Variants in CAMTA1 observed in about 807,000 individuals in gnomAD.
CAMTA1 encodes the protein calmodulin binding transcription activator 1.
CAMTA1 carries 27 observed loss-of-function variants against 170.9 expected under a neutral mutation model. The observed-to-expected ratio is 0.16, with a 90% confidence interval of 0.12 to 0.22. The LOEUF (loss-of-function observed/expected upper bound fraction) is 0.22. Ranked by LOEUF, CAMTA1 falls within the 10% of genes least tolerant of loss-of-function variation. CAMTA1 has a pLI of 1.00. For synonymous variants in CAMTA1, 833 were observed against 891.5 expected (o/e 0.93, Z 1.17); for missense variants, 1,619 against 2,217.2 (o/e 0.73, Z 5.42).
chr1:7,477,656 A>T lies in CAMTA1; in HGVS notation c.510+9755A>T, dbSNP rs1448983885. Among the ~76,000 whole-genome samples the T allele has an allele frequency of 2.0e-5, 3 of 152,330 alleles. No homozygotes were observed. The East Asian group carries it at 5.8e-4, about 29-fold the overall frequency. On this transcript the variant is annotated intron_variant, in intron 6 of 22. Transcript: ENST00000303635. Reference sequence around the variant, plus strand: ...AAAGTCACTGGGCATTTTCTAGAAGATTCCCTCTTCCCGATTCCTTCCTTC... The same window carrying T: ...AAAGTCACTGGGCATTTTCTAGAAGTTTCCCTCTTCCCGATTCCTTCCTTC...
chr1:6,848,606 G>A (rs1659210104), intron 3 of CAMTA1, among the ~76,000 whole-genome samples: 1 of 152,218 alleles, frequency 6.6e-6, no homozygotes, highest in Admixed American at 6.5e-5. Flanking sequence ...GACATTGGCA[G>A]TAGCGAAGGA....
At chr1:7,679,309 A>T (rs1485062781) in intron 11 of CAMTA1, among the ~76,000 whole-genome samples, 1 of 152,226 alleles carries the variant, frequency 6.6e-6, no homozygotes. Context: ...GGACCACTGT[A>T]GGACCCTGCC....
chr1:7,254,887 G>C (rs1263064865), intron 5 of CAMTA1, among the ~76,000 whole-genome samples: 1 of 152,214 alleles, frequency 6.6e-6, no homozygotes, highest in Admixed American at 6.5e-5. Context: ...TTGAAAAACA[G>C]CAATAAATAG....
chr1:7,222,402 C>T (rs1224897116), intron 4 of CAMTA1, among the ~76,000 whole-genome samples: 1 of 152,130 alleles, frequency 6.6e-6, no homozygotes, highest in Admixed American at 6.5e-5. Flanking sequence ...TTCTGCATCT[C>T]GCTGTCTTCC....
chr1:7,736,588 C>A lies in CAMTA1; in HGVS notation c.3263+48C>A. The A allele has an allele frequency of 6.4e-7, 1 of 1,567,060 alleles. No homozygotes were observed. Among genetic ancestry groups the A allele is most frequent in the Non-Finnish European group, 8.8e-7 (1 of 1,138,926 alleles). On this transcript the variant is annotated intron_variant, in intron 13 of 22. Transcript: ENST00000303635. The surrounding 1 kb of genome is among the most constrained non-coding windows in gnomAD (Gnocchi z 4.5). ...TGGGGGTCAGCCTCGCACATCCTCG[C>A]TCACATTCTTCCTGAGCACTGCCAC...
intron 3 of CAMTA1, among the ~76,000 whole-genome samples, chr1:7,025,450 A>T (rs11120818): frequency 0.26 from 40,129 of 152,048 alleles, 5,462 homozygotes; most frequent in Middle Eastern, 0.35. Flanking sequence ...TTTGCAAGAG[A>T]CCACCTATTT....
chr1:7,196,935 A>G (rs1009784567), intron 4 of CAMTA1, among the ~76,000 whole-genome samples: 12 of 152,242 alleles, frequency 7.9e-5, no homozygotes, highest in Non-Finnish European at 1.5e-4. Context: ...AAAGTCTGTA[A>G]CAAAAGTGTT....
At chr1:7,661,659 C>CT in intron 7 of CAMTA1, 67 bp from the exon 8 acceptor site, 1 of 1,581,710 alleles carries the variant, frequency 6.3e-7, no homozygotes, top group Non-Finnish European at 8.7e-7. Flanking sequence ...GGTCCTACCC[C>CT]TTGGCCCCAC....
chr1:7,323,515 T>TC (rs1170068671), intron 5 of CAMTA1, among the ~76,000 whole-genome samples: 3 of 145,064 alleles, frequency 2.1e-5, no homozygotes, highest in South Asian at 2.3e-4. Flanking sequence ...TTCTTTTTTT[T>TC]TTTTTTTTTT....
chr1:7,094,545 A>G (rs1363001529), intron 4 of CAMTA1, among the ~76,000 whole-genome samples: 1 of 151,952 alleles, frequency 6.6e-6, no homozygotes, highest in Admixed American at 6.6e-5. Flanking sequence ...TCACATATAG[A>G]TGTTGGTATA....
chr1:7,506,354 G>A (rs1420193171), intron 6 of CAMTA1, among the ~76,000 whole-genome samples: 1 of 152,152 alleles, frequency 6.6e-6, no homozygotes, highest in Non-Finnish European at 1.5e-5. Flanking sequence ...ACTCCCAGGG[G>A]GAAGGTTGGA....
intron 4 of CAMTA1, among the ~76,000 whole-genome samples, chr1:7,164,092 G>A (rs1188295840): frequency 6.6e-6 from 1 of 152,184 alleles, no homozygotes; most frequent in East Asian, 1.9e-4. Context: ...TGAGGTTTGG[G>A]GAGGAGGGTG....
chr1:7,236,054 G>A (rs1025628862), intron 4 of CAMTA1, among the ~76,000 whole-genome samples: 7 of 152,160 alleles, frequency 4.6e-5, no homozygotes, highest in Admixed American at 1.3e-4. Context: ...GAGAGTGGCC[G>A]GGCTGCGGGG....
Position 7,288,747 on chromosome 1 carries a change from GA to G in CAMTA1, c.438+39124del, listed in dbSNP as rs1264912550. 5.3e-5 allele frequency among the ~76,000 whole-genome samples: 8 copies of G among 152,230 alleles called. No homozygotes were observed. The South Asian group carries it at 1.7e-3, about 31-fold the overall frequency. ...CCCAAGAAGTGATGAGCAGAAGCCA[GA>G]AAGCTAGGGCTGGAGCAGAGAGCAG... On this transcript the variant is annotated intron_variant, in intron 5 of 22. Transcript: ENST00000303635.
At chr1:6,932,876 T>C (rs1684646600) in intron 3 of CAMTA1, among the ~76,000 whole-genome samples, 1 of 152,226 alleles carries the variant, frequency 6.6e-6, no homozygotes, top group South Asian at 2.1e-4. Context: ...TCTTTATATA[T>C]ATTCTAGATA....
intron 3 of CAMTA1, among the ~76,000 whole-genome samples, chr1:7,059,667 C>T (rs1008760892): frequency 6.6e-6 from 1 of 152,116 alleles, no homozygotes; most frequent in Non-Finnish European, 1.5e-5. Flanking sequence ...TGATCACCGT[C>T]GTGGTACCCT....
At chr1:7,272,745 T>TG (rs142749736) in intron 5 of CAMTA1, among the ~76,000 whole-genome samples, 1,973 of 133,116 alleles carry the variant, frequency 0.015, 48 homozygotes, top group African/African-American at 0.052. Flanking sequence ...ATTGGACCCC[T>TG]GCCTCATACC....
In CAMTA1 at chr1:6,871,145, C is replaced by T. The variant is rs184380427; in HGVS notation, c.234+45935C>T. 3.4e-3 allele frequency among the ~76,000 whole-genome samples: 518 copies of T among 152,268 alleles called. 3 individuals carry two copies. The highest frequency in any genetic ancestry group is 5.4e-3 in the Non-Finnish European group (370 of 68,006). On this transcript the variant is annotated intron_variant, in intron 3 of 22. Coordinates refer to ENST00000303635, the MANE Select transcript of CAMTA1 (RefSeq NM_015215.4). ...ACAAAAAACCCTTGTAGATATTCCTCGTGTCAAGCCCCTATTAATTCTGTG... is the reference window on the plus strand; with the variant it reads ...ACAAAAAACCCTTGTAGATATTCCTTGTGTCAAGCCCCTATTAATTCTGTG...
chr1:7,374,302 C>G (rs1378531253), intron 5 of CAMTA1, among the ~76,000 whole-genome samples: 1 of 152,202 alleles, frequency 6.6e-6, no homozygotes, highest in East Asian at 1.9e-4. Flanking sequence ...CTTGTTTTCT[C>G]CGTATTAGAA....
Sources: gnomAD v4.1 joint callset for allele counts (sites outside exome capture counted in the v4.1 genomes callset) on GRCh38, gnomAD v4.1.1 for gene constraint, Gnocchi (gnomAD v3.1) non-coding constraint, MANE v1.5 for transcripts, NCBI Gene and HGNC (gene_info 2026-07-23, HGNC 2026-07-21) for gene names.